RYR2: variants seen among roughly 807,000 people sequenced by gnomAD.
RYR2 encodes the protein cardiac muscle ryanodine receptor-calcium release channel.
RYR2 carries 227 observed loss-of-function variants against 601.1 expected under a neutral mutation model. The ratio of observed to expected loss-of-function variants is 0.38; its 90% confidence interval spans 0.34 to 0.42. The LOEUF is 0.42. RYR2 is among the 10% of genes least tolerant of loss of function. The pLI is 1.00. For synonymous variants in RYR2, 2,223 were observed against 2,175.1 expected (o/e 1.02, Z -0.61); for missense variants, 4,646 against 6,156.5 (o/e 0.75, Z 8.21).
chr1:237,289,889 T>G (rs1053078615), intron 2 of RYR2, among the ~76,000 whole-genome samples: 3 of 152,212 alleles, frequency 2.0e-5, no homozygotes, highest in African/African-American at 7.2e-5. Context: ...ATAAAACTAT[T>G]TTAGTTGCAC....
chr1:237,092,193 C>T (rs1467666488), intron 1 of RYR2, among the ~76,000 whole-genome samples: 5 of 152,118 alleles, frequency 3.3e-5, no homozygotes, highest in Non-Finnish European at 5.9e-5. Flanking sequence ...GTCTGCCCAC[C>T]CTTGGGTTAA....
intron 4 of RYR2, 84 bp from the exon 5 acceptor site, chr1:237,364,274 C>A: frequency 1.6e-6 from 2 of 1,266,326 alleles, no homozygotes; most frequent in South Asian, 1.4e-5. Context: ...ATAACGGAGT[C>A]TTTATAAATA....
chr1:237,275,597 C>A (rs1690194110), intron 2 of RYR2, among the ~76,000 whole-genome samples: 1 of 151,422 alleles, frequency 6.6e-6, no homozygotes, highest in African/African-American at 2.4e-5. Context: ...TCAGAAGTTG[C>A]AAAGAGAAAC....
intron 1 of RYR2, among the ~76,000 whole-genome samples, chr1:237,173,828 G>A (rs1409463461): frequency 6.9e-5 from 10 of 144,770 alleles, no homozygotes; most frequent in African/African-American, 2.4e-4. Flanking sequence ...AGGCCGAGGC[G>A]GGCAGATCAC....
intron 1 of RYR2, among the ~76,000 whole-genome samples, chr1:237,230,829 T>C (rs1395520494): frequency 6.8e-6 from 1 of 147,446 alleles, no homozygotes; most frequent in East Asian, 2.0e-4. Context: ...CTCAGGAAGC[T>C]AAGACAGGAG....
At chr1:237,411,702 A>T (rs1273231907) in intron 10 of RYR2, among the ~76,000 whole-genome samples, 1 of 152,168 alleles carries the variant, frequency 6.6e-6, no homozygotes, top group African/African-American at 2.4e-5. Flanking sequence ...GAAGAAAATG[A>T]GACAGAGAGG....
At chr1:237,330,709 T>A (rs1696626697) in intron 2 of RYR2, among the ~76,000 whole-genome samples, 169 bp from the exon 3 acceptor site, 1 of 152,164 alleles carries the variant, frequency 6.6e-6, no homozygotes, top group African/African-American at 2.4e-5. Context: ...TTTTTTAAAA[T>A]GTATTAAACA....
chr1:237,456,534 TA>T, intron 15 of RYR2, 65 bp from the exon 16 acceptor site: 3 of 1,405,580 alleles, frequency 2.1e-6, no homozygotes, highest in Non-Finnish European at 2.8e-6. Flanking sequence ...TTAGCATTTT[TA>T]GTCTGTAAGC....
chr1:237,571,119 C>T (rs1454024717), intron 29 of RYR2, among the ~76,000 whole-genome samples: 1 of 151,978 alleles, frequency 6.6e-6, no homozygotes, highest in Non-Finnish European at 1.5e-5. Context: ...CAGAGTGAGA[C>T]CTTGTCTCAA....
At chr1:237,195,368 C>T (rs1460151107) in intron 1 of RYR2, among the ~76,000 whole-genome samples, 1 of 152,188 alleles carries the variant, frequency 6.6e-6, no homozygotes, top group Non-Finnish European at 1.5e-5. Context: ...ATTCTCCTGC[C>T]TCAGCCTCCT....
chr1:237,482,958 G>A (rs2150371651), intron 17 of RYR2, among the ~76,000 whole-genome samples: 1 of 152,168 alleles, frequency 6.6e-6, no homozygotes, highest in East Asian at 1.9e-4. Flanking sequence ...ATCCTTCACT[G>A]CATTTTTGAC....
Position 237,330,872 on chromosome 1 carries a change from G to A in RYR2, c.169-6G>A. ...GCTGCTGACTGCTCTTCCTCTTTCT[G>A]TGCAGAATGTGCCCCCAGACCTCTC... On this transcript the variant is annotated splice_region_variant and splice_polypyrimidine_tract_variant and intron_variant, in intron 2 of 104. Transcript: ENST00000366574. 1.2e-6 allele frequency: 2 copies of A among 1,612,524 alleles called. No individual in the cohort carries two copies. The highest frequency in any genetic ancestry group is 2.2e-5 in the South Asian group (2 of 91,064).
At chr1:237,619,635 C>T (rs1406742156) in intron 38 of RYR2, among the ~76,000 whole-genome samples, 7 of 151,814 alleles carry the variant, frequency 4.6e-5, no homozygotes, top group Non-Finnish European at 7.4e-5. Flanking sequence ...GAGTACATTC[C>T]GTATAGGATA....
chr1:237,811,357 A>C, intron 100 of RYR2, among the ~76,000 whole-genome samples: 1 of 152,186 alleles, frequency 6.6e-6, no homozygotes, highest in African/African-American at 2.4e-5. Flanking sequence ...ATTTGTGTAA[A>C]GAAGTTTTTC....
intron 102 of RYR2, chr1:237,830,190 T>C (rs1345371126): frequency 1.8e-5 from 4 of 221,160 alleles, no homozygotes; most frequent in Non-Finnish European, 3.7e-5. Context: ...TAGATAACTT[T>C]AGTCAATGTC....
intron 33 of RYR2, among the ~76,000 whole-genome samples, chr1:237,594,521 A>G: frequency 6.6e-6 from 1 of 152,190 alleles, no homozygotes; most frequent in East Asian, 1.9e-4. Context: ...TTTGGGGGCC[A>G]TGCTTAATTT....
intron 3 of RYR2, among the ~76,000 whole-genome samples, chr1:237,332,251 G>T (rs1245633769): frequency 6.6e-6 from 1 of 152,050 alleles, no homozygotes; most frequent in Admixed American, 6.5e-5. Flanking sequence ...GTGTCATGCA[G>T]CTTATGACTT....
rs1333782569 is a variant in RYR2 at position 237,674,231 on chromosome 1, C to T, written c.8714+12C>T. On this transcript the variant is annotated intron_variant, in intron 59 of 104. Coordinates refer to ENST00000366574, the MANE Select transcript of RYR2 (RefSeq NM_001035.3). The stretch of plus-strand genomic sequence containing the variant: ...TATGCTGTATCCAGGTAAAAGTACA[C>T]ATACCCTAAGTACACACTCTTTTCA... 3 of 1,598,282 alleles carry T rather than the reference C, an allele frequency of 1.9e-6. No homozygotes were observed. The highest frequency in any genetic ancestry group is 2.6e-6 in the Non-Finnish European group (3 of 1,166,336).
intron 1 of RYR2, among the ~76,000 whole-genome samples, chr1:237,083,893 T>G (rs1306903204): frequency 6.6e-6 from 1 of 152,288 alleles, no homozygotes; most frequent in East Asian, 1.9e-4. Context: ...AAATCCAGTG[T>G]GTATGTTATG....
Sources: allele counts gnomAD v4.1 joint callset (sites outside exome capture counted in the v4.1 genomes callset), GRCh38; gene constraint gnomAD v4.1.1; transcripts MANE v1.5; gene names NCBI Gene and HGNC (gene_info 2026-07-23, HGNC 2026-07-21).